PTF1A: variants seen among roughly 807,000 people sequenced by gnomAD.
The protein encoded by PTF1A is pancreas associated transcription factor 1a.
A neutral mutation model predicts 22.6 loss-of-function variants in PTF1A; 18 were observed. The ratio of observed to expected loss-of-function variants is 0.80; its 90% CI spans 0.55 to 1.18. PTF1A has a LOEUF of 1.18. PTF1A is among the 50% of genes most tolerant of loss of function. The pLI, the probability that PTF1A is intolerant of heterozygous loss-of-function variation, is 0.00. For missense variants in PTF1A, 477 were observed against 473.0 expected, an observed-to-expected ratio of 1.01 and a Z score of -0.08; for synonymous variants, 259 against 227.9, an observed-to-expected ratio of 1.14 and a Z score of -1.23.
rs758477259 is a variant in PTF1A at position 23,193,857 on chromosome 10, C to T, written c.938C>T (p.Ser313Phe). 4 of 1,614,022 alleles carry T rather than the reference C, an allele frequency of 2.5e-6. No individual in the cohort carries two copies. The highest frequency in any genetic ancestry group is 3.4e-6 in the Non-Finnish European group (4 of 1,180,038). The change falls in exon 2 of 2, where the codon TCT becomes TTT. Residue 313 changes from serine (S) to phenylalanine (F), a missense_variant. Physicochemically the swap from Ser to Phe is radical, Grantham distance 155. Transcript: ENST00000376504. ...PEDPRKLNSK[S>F]SFNNIENEPP... Reference sequence around the variant, plus strand: ...GACCCCAGAAAACTCAACAGCAAATCTTCCTTCAACAACATAGAAAACGAA... The same window carrying T: ...GACCCCAGAAAACTCAACAGCAAATTTTCCTTCAACAACATAGAAAACGAA...
In PTF1A at chr10:23,193,463, GTTT is replaced by G. The variant is rs10592134; in HGVS notation, c.784+164_784+166del. 7.6e-3 allele frequency: 4,557 copies of G among 600,192 alleles called. 11 individuals are homozygous for G. Among genetic ancestry groups the G allele is most frequent in the East Asian group, 0.074 (2,318 of 31,454 alleles). The allele number at this position is 600,192 out of a possible 1,614,324, so 37.2% of individuals were successfully genotyped here. On this transcript the variant is annotated intron_variant, in intron 1 of 1. Transcript: ENST00000376504. Reference sequence around the variant, plus strand: ...ACTTGAATGCGAGCTCGCGTTTCTCGTTTTTTTTTTTTTTTTTATTTTTCTGCC... The same window carrying G: ...ACTTGAATGCGAGCTCGCGTTTCTCGTTTTTTTTTTTTTTATTTTTCTGCC...
In PTF1A at chr10:23,192,884, G is replaced by T; in HGVS notation, c.354G>T (p.Pro118=). ...GCTTCCCCTACTCGCCCGGCTCGCC[G>T]CCCTCGTGCCTGGCCTACCCGTGCG... The part of the protein sequence containing the change: ...PGGFPYSPGS[P]PSCLAYPCAG... The change falls in exon 1 of 2, where the codon CCG becomes CCT. Residue 118 remains proline (P), a synonymous_variant. Coordinates refer to ENST00000376504, the MANE Select transcript of PTF1A (RefSeq NM_178161.3). 2.3e-6 allele frequency: 3 copies of T among 1,311,602 alleles called. No homozygotes were observed. Among genetic ancestry groups the T allele is most frequent in the Non-Finnish European group, 2.9e-6 (3 of 1,027,354 alleles). 81.2% of individuals were successfully genotyped at this position (1,311,602 alleles called of 1,614,324 possible).
In PTF1A at chr10:23,193,279, A is replaced by G; in HGVS notation, c.749A>G (p.Gln250Arg). 1 of 1,249,466 alleles carries G rather than the reference A, an allele frequency of 8.0e-7. No homozygotes were observed. 77.4% of individuals were successfully genotyped at this position (1,249,466 alleles called of 1,614,324 possible). Residue 250 changes from glutamine (Q) to arginine (R), a missense_variant, in exon 1 of 2, where the codon CAG (glutamine) becomes CGG (arginine). Gln to Arg is a conservative substitution (Grantham distance 43). Transcript: ENST00000376504. ...CTGGGCGGGGACAGCCCGGGCAGCC[A>G]GGCCCAGAAGGTCATCATCTGCCAT... ...GRLGGDSPGSQAQKVIICHRG... is the reference protein window; with the variant it reads ...GRLGGDSPGSRAQKVIICHRG...
chr10:23,193,803 TCCGAACAG>T lies in PTF1A; in HGVS notation c.887_894del (p.Arg296GlnfsTer27). The T allele has an allele frequency of 6.2e-7, 1 of 1,613,770 alleles. No homozygotes were observed. Among genetic ancestry groups the T allele is most frequent in the South Asian group, 1.1e-5 (1 of 91,072 alleles). ...AAACAACTCAAGGAACAAAATATTA[TCCGAACAG>T]CCAAAGTCTGGACCCCAGAGGACCC... On this transcript the variant is annotated frameshift_variant, in exon 2 of 2. Coordinates refer to ENST00000376504, the MANE Select transcript of PTF1A (RefSeq NM_178161.3). LOFTEE classifies it high-confidence loss of function.
At position 23,192,962 on chromosome 10, in the gene PTF1A, G is replaced by A. The variant is rs1840912361; in HGVS notation, c.432G>A (p.Ala144=). Residue 144 remains alanine (A), a synonymous_variant, in exon 1 of 2, where the codon GCG becomes GCA. Transcript: ENST00000376504. ...CGCGGCTGCGCGGCCTGAGCGGAGC[G>A]GCGGCTGCGGCGGCGCGGCGCCGGC... ...PGARLRGLSG[A]AAAAARRRRR... 8.8e-7 allele frequency: 1 copy of A among 1,137,712 alleles called. No individual in the cohort carries two copies. The highest frequency in any genetic ancestry group is 1.1e-6 in the Non-Finnish European group (1 of 930,448). 70.5% of individuals were successfully genotyped at this position (1,137,712 alleles called of 1,614,324 possible). A position where few individuals can be genotyped will look rare whatever the true frequency, so the allele number is the denominator to read the frequency against.
In PTF1A at chr10:23,192,574, C is replaced by T. The variant is rs140097468; in HGVS notation, c.44C>T (p.Ala15Val). The T allele has an allele frequency of 3.7e-4, 590 of 1,601,570 alleles. 4 individuals carry two copies. The highest frequency in any genetic ancestry group is 3.5e-3 in the Middle Eastern group (21 of 6,018). The change falls in exon 1 of 2, where the codon GCC becomes GTC. Residue 15 changes from alanine to valine, a missense_variant. Ala to Val is a moderately conservative substitution (Grantham distance 64). Transcript: ENST00000376504. ...LLEHFPGGLD[A>V]FPSSYFDEDD... Reference sequence around the variant, plus strand: ...GAGCACTTCCCCGGGGGCCTAGACGCCTTTCCTTCTTCGTACTTCGACGAG... The same window carrying T: ...GAGCACTTCCCCGGGGGCCTAGACGTCTTTCCTTCTTCGTACTTCGACGAG...
chr10:23,192,516 A>T lies in PTF1A; in HGVS notation c.-15A>T. On this transcript the variant is annotated 5_prime_UTR_variant, in exon 1 of 2. Transcript: ENST00000376504. ...GCGCAGCCCGGCAGTCCCGCTGCCC[A>T]CTGCGGCGGCGAGCATGGACGCGGT... 1 of 1,592,954 alleles carries T rather than the reference A, an allele frequency of 6.3e-7. No homozygotes were observed. The highest frequency in any genetic ancestry group is 1.1e-5 in the South Asian group (1 of 90,040).
chr10:23,193,467 T>G (rs1217039284), intron 1 of PTF1A, 153 bp downstream of exon 1: 8 of 816,080 alleles, frequency 9.8e-6, no homozygotes, highest in Admixed American at 3.2e-5. Flanking sequence ...TTTCTCGTTT[T>G]TTTTTTTTTT....
Position 23,193,930 on chromosome 10 carries a change from T to A in PTF1A, c.*24T>A. ...GAGAAGTCCCAGACTCGGCTGAAGA[T>A]CTGATTATGTCTCTGTGCATATTGT... On this transcript the variant is annotated 3_prime_UTR_variant, in exon 2 of 2. Coordinates refer to ENST00000376504, the MANE Select transcript of PTF1A (RefSeq NM_178161.3). 1 of 1,517,470 alleles carries A rather than the reference T, an allele frequency of 6.6e-7. No homozygotes were observed. Among genetic ancestry groups the A allele is most frequent in the South Asian group, 1.1e-5 (1 of 89,016 alleles). The allele number at this position is 1,517,470 out of a possible 1,614,324, so 94.0% of individuals were successfully genotyped here. A position where few individuals can be genotyped will look rare whatever the true frequency, so the allele number is the denominator to read the frequency against.
At position 23,193,234 on chromosome 10, in the gene PTF1A, G is replaced by A. The variant is rs1242662485; in HGVS notation, c.704G>A (p.Gly235Glu). ...LRGGGAGGCG[G>E]PGGGGRLGGD... ...GGCGGTGGCGCGGGCGGCTGCGGGG[G>A]GCCGGGCGGCGGCGGGCGCCTGGGC... Residue 235 changes from glycine to glutamate, a missense_variant, in exon 1 of 2, where the codon GGG becomes GAG. Coordinates refer to ENST00000376504, the MANE Select transcript of PTF1A (RefSeq NM_178161.3). 3.2e-6 allele frequency: 4 copies of A among 1,267,726 alleles called. No individual in the cohort carries two copies. The highest frequency in any genetic ancestry group is 4.1e-5 in the Admixed American group (1 of 24,206). The allele number at this position is 1,267,726 out of a possible 1,614,324, so 78.5% of individuals were successfully genotyped here.
At position 23,192,538 on chromosome 10, in the gene PTF1A, C is replaced by A. The variant is rs146089816; in HGVS notation, c.8C>A (p.Ala3Glu). ...CCCACTGCGGCGGCGAGCATGGACG[C>A]GGTGTTGCTGGAGCACTTCCCCGGG... is the stretch of plus-strand genomic sequence containing the variant. MD[A>E]VLLEHFPGGL... Residue 3 changes from alanine to glutamate, a missense_variant, in exon 1 of 2, where the codon GCG becomes GAG. Ala to Glu is a moderately radical substitution (Grantham distance 107). Coordinates refer to ENST00000376504, the MANE Select transcript of PTF1A (RefSeq NM_178161.3). The A allele has an allele frequency of 2.7e-5, 43 of 1,588,374 alleles. No individual in the cohort carries two copies. The highest frequency in any genetic ancestry group is 3.7e-5 in the Non-Finnish European group (43 of 1,168,850).
In PTF1A at chr10:23,193,835, C is replaced by G; in HGVS notation, c.916C>G (p.Pro306Ala). 1.2e-6 allele frequency: 2 copies of G among 1,614,052 alleles called. No homozygotes were observed. The highest frequency in any genetic ancestry group is 8.5e-7 in the Non-Finnish European group (1 of 1,179,974). ...RTAKVWTPEDPRKLNSKSSFN... is the reference protein window; with the variant it reads ...RTAKVWTPEDARKLNSKSSFN... ...AGCCAAAGTCTGGACCCCAGAGGAC[C>G]CCAGAAAACTCAACAGCAAATCTTC... is the stretch of plus-strand genomic sequence containing the variant. The change falls in exon 2 of 2, where the codon CCC (proline) becomes GCC (alanine). Residue 306 changes from proline (P) to alanine (A), a missense_variant. Transcript: ENST00000376504.
chr10:23,193,276 G>C lies in PTF1A; in HGVS notation c.746G>C (p.Ser249Thr), dbSNP rs779163060. The C allele has an allele frequency of 3.2e-6, 4 of 1,249,454 alleles. No individual in the cohort carries two copies. The highest frequency in any genetic ancestry group is 4.0e-6 in the Non-Finnish European group (4 of 1,005,392). 77.4% of individuals were successfully genotyped at this position (1,249,454 alleles called of 1,614,324 possible). A position where few individuals can be genotyped will look rare whatever the true frequency, so the allele number is the denominator to read the frequency against. ...CGCCTGGGCGGGGACAGCCCGGGCA[G>C]CCAGGCCCAGAAGGTCATCATCTGC... Reference protein sequence around the residue: ...GGRLGGDSPGSQAQKVIICHR... With the variant: ...GGRLGGDSPGTQAQKVIICHR... Residue 249 changes from serine to threonine, a missense_variant, in exon 1 of 2, where the codon AGC becomes ACC. By Grantham distance (58) the Ser-to-Thr change is moderately conservative. Transcript: ENST00000376504.
chr10:23,193,618 C>T lies in PTF1A; in HGVS notation c.785-86C>T. 4.9e-6 allele frequency: 5 copies of T among 1,011,358 alleles called. No individual in the cohort carries two copies. In the South Asian group the frequency reaches 6.3e-5, roughly 13 times the overall value. 62.6% of individuals were successfully genotyped at this position (1,011,358 alleles called of 1,614,324 possible). ...TGGTTCTAGTATAACCGGAGAGCAC[C>T]CAGGAAAGGGTCCTAAAGGACCTGA... On this transcript the variant is annotated intron_variant, in intron 1 of 1. Transcript: ENST00000376504.
chr10:23,193,154 C>T lies in PTF1A; in HGVS notation c.624C>T (p.Ala208=), dbSNP rs1299085129. 19 of 1,418,410 alleles carry T rather than the reference C, an allele frequency of 1.3e-5. No individual in the cohort carries two copies. In the African/African-American group the frequency reaches 2.4e-4, roughly 18 times the overall value. 87.9% of individuals were successfully genotyped at this position (1,418,410 alleles called of 1,614,324 possible). Residue 208 remains alanine (A), a synonymous_variant, in exon 1 of 2, where the codon GCC becomes GCT. Transcript: ENST00000376504. ...RLSKVDTLRL[A]IGYINFLSEL... ...CCAAGGTGGACACGCTGCGCCTGGC[C>T]ATCGGCTACATCAACTTCCTCAGCG...
rs1840910058 is a variant in PTF1A, at chr10:23,192,842, G to C, written c.312G>C (p.Thr104=). Residue 104 remains threonine (T), a synonymous_variant, in exon 1 of 2, where the codon ACG becomes ACC. Coordinates refer to ENST00000376504, the MANE Select transcript of PTF1A (RefSeq NM_178161.3). ...DGGGGGYCCE[T]GAPPGGFPYS... Reference sequence around the variant, plus strand: ...GCGGCGGCGGCTACTGCTGCGAGACGGGGGCGCCCCCAGGCGGCTTCCCCT... The same window carrying C: ...GCGGCGGCGGCTACTGCTGCGAGACCGGGGCGCCCCCAGGCGGCTTCCCCT... 2 of 1,309,588 alleles carry C rather than the reference G, an allele frequency of 1.5e-6. No individual in the cohort carries two copies. Among genetic ancestry groups the C allele is most frequent in the Admixed American group, 3.5e-5 (1 of 28,910 alleles). The allele number at this position is 1,309,588 out of a possible 1,614,324, so 81.1% of individuals were successfully genotyped here. A position where few individuals can be genotyped will look rare whatever the true frequency, so the allele number is the denominator to read the frequency against.
Position 23,193,065 on chromosome 10 carries a change from A to G in PTF1A, c.535A>G (p.Ile179Val), listed in dbSNP as rs1298292650. Residue 179 changes from isoleucine (I) to valine (V), a missense_variant, in exon 1 of 2, where the codon ATC becomes GTC. Ile to Val is a conservative substitution (Grantham distance 29). Transcript: ENST00000376504. ...GCGCGAGCGGCGGCGCATGCAGTCCATCAACGACGCCTTCGAGGGGCTGCG... is the reference window on the plus strand; with the variant it reads ...GCGCGAGCGGCGGCGCATGCAGTCCGTCAACGACGCCTTCGAGGGGCTGCG... ...NVRERRRMQSINDAFEGLRSH... is the reference protein window; with the variant it reads ...NVRERRRMQSVNDAFEGLRSH... The G allele has an allele frequency of 7.2e-7, 1 of 1,392,318 alleles. No individual in the cohort carries two copies. Among genetic ancestry groups the G allele is most frequent in the Non-Finnish European group, 9.4e-7 (1 of 1,062,316 alleles). The allele number at this position is 1,392,318 out of a possible 1,614,324, so 86.2% of individuals were successfully genotyped here. A position where few individuals can be genotyped will look rare whatever the true frequency, so the allele number is the denominator to read the frequency against.
Position 23,193,894 on chromosome 10 carries a change from G to GT in PTF1A, c.978dup (p.Val327CysfsTer10), listed in dbSNP as rs1316985656. The GT allele has an allele frequency of 1.2e-6, 2 of 1,613,622 alleles. No individual in the cohort carries two copies. Among genetic ancestry groups the GT allele is most frequent in the Non-Finnish European group, 1.7e-6 (2 of 1,179,736 alleles). On this transcript the variant is annotated frameshift_variant, in exon 2 of 2. Transcript: ENST00000376504. LOFTEE classifies it high-confidence loss of function. ...ACATAGAAAACGAACCACCATTTGA[G>GT]TTTGTGTCCTGAGAAGTCCCAGACT...
At position 23,193,917 on chromosome 10, in the gene PTF1A, A is replaced by G. The variant is rs760314781; in HGVS notation, c.*11A>G. ...GAGTTTGTGTCCTGAGAAGTCCCAG[A>G]CTCGGCTGAAGATCTGATTATGTCT... On this transcript the variant is annotated 3_prime_UTR_variant, in exon 2 of 2. Coordinates refer to ENST00000376504, the MANE Select transcript of PTF1A (RefSeq NM_178161.3). The G allele has an allele frequency of 2.0e-5, 32 of 1,591,704 alleles. No homozygotes were observed. In the South Asian group the frequency reaches 3.5e-4, roughly 18 times the overall value.
Sources: gnomAD v4.1 joint callset for allele counts on GRCh38, gnomAD v4.1.1 for gene constraint, MANE v1.5 for transcripts, NCBI Gene and HGNC (gene_info 2026-07-23, HGNC 2026-07-21) for gene names.